Variants in THSD7A observed in about 807,000 individuals in gnomAD.
THSD7A encodes thrombospondin type 1 domain containing 7A.
In THSD7A, 96 loss-of-function variants were observed where a neutral mutation model predicts 231.3. That is an observed-to-expected ratio of 0.41 (90% confidence interval 0.35 to 0.49). The LOEUF is 0.49. Ranked by LOEUF, THSD7A falls within the 20% of genes least tolerant of loss-of-function variation. The pLI is 0.05. For synonymous variants in THSD7A, 940 were observed against 743.3 expected (o/e 1.26, Z -4.30); for missense variants, 2,290 against 2,070.2 (o/e 1.11, Z -2.06).
At chr7:11,422,628 C>T (rs1784186507) in intron 16 of THSD7A, among the ~76,000 whole-genome samples, 2 of 139,232 alleles carry the variant, frequency 1.4e-5, no homozygotes, top group South Asian at 4.6e-4. Context: ...GTAACATGTA[C>T]ACAGATAGTT....
At chr7:11,641,477 T>A (rs1398576601) in intron 1 of THSD7A, among the ~76,000 whole-genome samples, 1 of 152,106 alleles carries the variant, frequency 6.6e-6, no homozygotes, top group Non-Finnish European at 1.5e-5. Flanking sequence ...TTTGCTTAGA[T>A]AACTAAGAAA....
intron 1 of THSD7A, among the ~76,000 whole-genome samples, chr7:11,800,659 T>C (rs1050069675): frequency 6.6e-6 from 1 of 152,240 alleles, no homozygotes; most frequent in Non-Finnish European, 1.5e-5. Context: ...ATTCCATTTA[T>C]ACAAGGTATC....
intron 22 of THSD7A, among the ~76,000 whole-genome samples, chr7:11,402,204 G>T (rs952003307): frequency 3.3e-5 from 5 of 152,120 alleles, no homozygotes; most frequent in Non-Finnish European, 5.9e-5. Flanking sequence ...GATATCAAAG[G>T]TAAATTGTGG....
intron 1 of THSD7A, among the ~76,000 whole-genome samples, chr7:11,652,384 T>C (rs1267293062): frequency 6.6e-6 from 1 of 152,018 alleles, no homozygotes; most frequent in Non-Finnish European, 1.5e-5. Context: ...CTAAAACGCA[T>C]GACTTATTTA....
chr7:11,536,342 G>A (rs1315955902), intron 6 of THSD7A, among the ~76,000 whole-genome samples: 1 of 152,012 alleles, frequency 6.6e-6, no homozygotes, highest in Non-Finnish European at 1.5e-5. Flanking sequence ...TGGCCAGTTT[G>A]GATCCCATGT....
rs1049857969 is a variant in THSD7A at position 11,726,025 on chromosome 7, TCAAA to T, written c.191-89068_191-89065del. ...TTTGAATTGTTCTTTCATTGTGTTA[TCAAA>T]CAGTTTTATCACATTTTAACTATTT... On this transcript the variant is annotated intron_variant, in intron 1 of 27. Transcript: ENST00000423059. Among the ~76,000 whole-genome samples the T allele has an allele frequency of 5.4e-4, 82 of 152,132 alleles. 3 individuals carry two copies. Among genetic ancestry groups the T allele is most frequent in the Admixed American group, 3.1e-3 (48 of 15,242 alleles).
chr7:11,717,242 G>A (rs981470868), intron 1 of THSD7A, among the ~76,000 whole-genome samples: 2 of 151,680 alleles, frequency 1.3e-5, no homozygotes, highest in Non-Finnish European at 3.0e-5. Context: ...TGTGAAAGAC[G>A]GCCTCCTCGC....
At chr7:11,742,290 C>T (rs1336881077) in intron 1 of THSD7A, among the ~76,000 whole-genome samples, 1 of 151,888 alleles carries the variant, frequency 6.6e-6, no homozygotes, top group Non-Finnish European at 1.5e-5. Context: ...TCATTAAATT[C>T]AGGTTTTGTC....
rs1282394100 is a variant in THSD7A, at chr7:11,737,471, C to T, written c.190+94286G>A. Among the ~76,000 whole-genome samples the T allele has an allele frequency of 2.0e-5, 3 of 152,118 alleles. No homozygotes were observed. In the East Asian group the frequency reaches 5.8e-4, roughly 30 times the overall value. The stretch of plus-strand genomic sequence containing the variant: ...CCATTCTGATGCCATGCCTGTGCCC[C>T]GTCCTAGAACTAAATTTACTACACT... On this transcript the variant is annotated intron_variant, in intron 1 of 27. Transcript: ENST00000423059.
chr7:11,660,011 T>A (rs28497544), intron 1 of THSD7A, among the ~76,000 whole-genome samples: 40,036 of 151,290 alleles, frequency 0.26, 5,444 homozygotes, highest in East Asian at 0.32. Context: ...GTAATTTACA[T>A]GTGTATTAAA....
chr7:11,604,539 AT>A (rs1191356679), intron 2 of THSD7A, among the ~76,000 whole-genome samples: 1 of 151,484 alleles, frequency 6.6e-6, no homozygotes, highest in Admixed American at 6.6e-5. Context: ...TTTTTAAAAA[AT>A]GTTTCTTTTT....
intron 2 of THSD7A, among the ~76,000 whole-genome samples, chr7:11,623,675 C>T (rs1261481418): frequency 6.6e-6 from 1 of 152,134 alleles, no homozygotes; most frequent in Non-Finnish European, 1.5e-5. Context: ...TCATCTCTCC[C>T]TCTTCGGCAG....
At chr7:11,738,644 TC>T (rs778124598) in intron 1 of THSD7A, among the ~76,000 whole-genome samples, 1 of 151,930 alleles carries the variant, frequency 6.6e-6, no homozygotes, top group Non-Finnish European at 1.5e-5. Context: ...CTCCCCGCAA[TC>T]CCTATGATCT....
At chr7:11,747,871 G>A (rs1782362246) in intron 1 of THSD7A, among the ~76,000 whole-genome samples, 1 of 151,898 alleles carries the variant, frequency 6.6e-6, no homozygotes, top group South Asian at 2.1e-4. Flanking sequence ...AGAGATCAAA[G>A]TGTATAAAAA....
intron 1 of THSD7A, among the ~76,000 whole-genome samples, chr7:11,670,112 C>A (rs1042066789): frequency 1.3e-5 from 2 of 152,130 alleles, no homozygotes; most frequent in Non-Finnish European, 2.9e-5. Context: ...CTAAACAAAG[C>A]AAACAGCACA....
At chr7:11,611,099 CA>C (rs1780906209) in intron 2 of THSD7A, among the ~76,000 whole-genome samples, 1 of 152,098 alleles carries the variant, frequency 6.6e-6, no homozygotes, top group South Asian at 2.1e-4. Flanking sequence ...GACCTTGCTT[CA>C]ACCTCTATTT....
At chr7:11,578,993 T>C (rs1446149049) in intron 4 of THSD7A, among the ~76,000 whole-genome samples, 2 of 145,814 alleles carry the variant, frequency 1.4e-5, no homozygotes, top group East Asian at 2.0e-4. Context: ...TTGAATTGCA[T>C]TCAATGTGCA....
chr7:11,721,426 C>T (rs1443285206), intron 1 of THSD7A, among the ~76,000 whole-genome samples: 1 of 151,764 alleles, frequency 6.6e-6, no homozygotes, highest in Non-Finnish European at 1.5e-5. Flanking sequence ...CCTTCTCTAG[C>T]CATGTAAGAC....
At chr7:11,815,600 T>C (rs545277652) in intron 1 of THSD7A, among the ~76,000 whole-genome samples, 1 of 152,282 alleles carries the variant, frequency 6.6e-6, no homozygotes, top group East Asian at 1.9e-4. Flanking sequence ...TGCATTTAAT[T>C]AGCACTACCT....
Sources: allele counts gnomAD v4.1 joint callset (sites outside exome capture counted in the v4.1 genomes callset), GRCh38; gene constraint gnomAD v4.1.1; transcripts MANE v1.5; gene names NCBI Gene and HGNC (gene_info 2026-07-23, HGNC 2026-07-21).